The following NUDCD1 variants were observed in gnomAD, a reference collection of about 807,000 sequenced individuals.
The protein encoded by NUDCD1 is NudC domain containing 1, also known as nudC domain-containing protein 1.
In NUDCD1, 60 loss-of-function variants were observed where a neutral mutation model predicts 67.8. The observed-to-expected ratio is 0.88, with a 90% CI of 0.72 to 1.10. The LOEUF is 1.10. Among genes scored for constraint, NUDCD1 ranks in the 50% least tolerant of loss-of-function variants. NUDCD1 has a pLI of 0.00. For missense variants in NUDCD1, 643 were observed against 695.0 expected (o/e 0.93, Z 0.84); for synonymous variants, 244 against 230.8 (o/e 1.06, Z -0.52).
intron 2 of NUDCD1, among the ~76,000 whole-genome samples, chr8:109,307,136 A>G (rs1815126244): frequency 6.6e-6 from 1 of 152,320 alleles, no homozygotes; most frequent in East Asian, 1.9e-4. Context: ...AGAAGTGAAA[A>G]TAGCCTTAAC....
intron 8 of NUDCD1, among the ~76,000 whole-genome samples, chr8:109,248,714 G>GAAAA (rs78072773): frequency 2.0e-5 from 2 of 99,988 alleles, no homozygotes; most frequent in Non-Finnish European, 4.1e-5. Flanking sequence ...CCACTGTTTG[G>GAAAA]AAAAAAAAAA....
intron 5 of NUDCD1, among the ~76,000 whole-genome samples, chr8:109,284,644 A>C (rs766182551): frequency 2.6e-5 from 4 of 152,108 alleles, no homozygotes; most frequent in Non-Finnish European, 5.9e-5. Context: ...ACCACACAGT[A>C]TCATGGAAAT....
At chr8:109,253,581 A>G (rs1813667937) in intron 8 of NUDCD1, among the ~76,000 whole-genome samples, 1 of 152,174 alleles carries the variant, frequency 6.6e-6, no homozygotes, top group Admixed American at 6.5e-5. Flanking sequence ...ATATGCTCAC[A>G]TCATGACTTG....
intron 5 of NUDCD1, among the ~76,000 whole-genome samples, chr8:109,286,253 C>G (rs907494112): frequency 6.6e-6 from 1 of 151,988 alleles, no homozygotes; most frequent in Non-Finnish European, 1.5e-5. Context: ...AGAGTAAATG[C>G]TACTCCTATC....
chr8:109,268,381 C>T (rs1467059622), intron 8 of NUDCD1, among the ~76,000 whole-genome samples: 1 of 152,118 alleles, frequency 6.6e-6, no homozygotes, highest in East Asian at 1.9e-4. Context: ...GTTAAATCTG[C>T]TAAATTCTAG....
At position 109,294,196 on chromosome 8, in the gene NUDCD1, G is replaced by GA. The variant is rs1206815598; in HGVS notation, c.460-673dup. ...TTCCAAATAAGATATGGACAGTTGA[G>GA]AAAAAGCCTAACTGAAAAAAAGGTA... On this transcript the variant is annotated intron_variant, in intron 3 of 9. Coordinates refer to ENST00000239690, the MANE Select transcript of NUDCD1 (RefSeq NM_032869.4). 2.3e-5 allele frequency among the ~76,000 whole-genome samples: 3 copies of GA among 128,176 alleles called. No individual in the cohort carries two copies. The East Asian group carries it at 7.6e-4, about 32-fold the overall frequency. 84.1% of individuals were successfully genotyped at this position (128,176 alleles called of 152,430 possible). A position where few individuals can be genotyped will look rare whatever the true frequency, so the allele number is the denominator to read the frequency against.
At chr8:109,303,215 C>A (rs1350606040) in intron 2 of NUDCD1, among the ~76,000 whole-genome samples, 6 of 152,180 alleles carry the variant, frequency 3.9e-5, no homozygotes, top group Admixed American at 2.0e-4. Context: ...TCCCAGAGCC[C>A]CTGGAACTCT....
intron 8 of NUDCD1, among the ~76,000 whole-genome samples, chr8:109,246,069 C>T (rs1354567028): frequency 6.6e-6 from 1 of 152,196 alleles, no homozygotes; most frequent in Admixed American, 6.5e-5. Flanking sequence ...TGAGGTGGAA[C>T]AGTTTCATCC....
chr8:109,249,828 T>C (rs1319455967), intron 8 of NUDCD1, among the ~76,000 whole-genome samples: 2 of 150,698 alleles, frequency 1.3e-5, no homozygotes, highest in Non-Finnish European at 2.9e-5. Flanking sequence ...AAATGAGATA[T>C]ATAAAGAATT....
intron 8 of NUDCD1, among the ~76,000 whole-genome samples, chr8:109,267,751 T>C (rs1037382449): frequency 6.6e-6 from 1 of 152,190 alleles, no homozygotes; most frequent in Non-Finnish European, 1.5e-5. Flanking sequence ...TCATCAAATA[T>C]TGTCTATAAA....
chr8:109,323,630 C>T (rs1459841768), intron 1 of NUDCD1, among the ~76,000 whole-genome samples: 4 of 151,660 alleles, frequency 2.6e-5, no homozygotes, highest in African/African-American at 7.3e-5. Context: ...GTTTGAGCCA[C>T]GACATAAAAG....
chr8:109,292,203 T>G (rs1814726185), intron 4 of NUDCD1, among the ~76,000 whole-genome samples: 1 of 152,158 alleles, frequency 6.6e-6, no homozygotes, highest in Non-Finnish European at 1.5e-5. Flanking sequence ...TGGATGCTTT[T>G]GTACTGTGTT....
intron 6 of NUDCD1, among the ~76,000 whole-genome samples, chr8:109,280,218 T>C (rs2129981955): frequency 6.6e-6 from 1 of 152,364 alleles, no homozygotes; most frequent in South Asian, 2.1e-4. Context: ...GAGAATTTAA[T>C]AATTTTTATA....
intron 3 of NUDCD1, 26 bp downstream of exon 3, chr8:109,296,358 C>T (rs376394936): frequency 2.3e-5 from 37 of 1,588,904 alleles, no homozygotes; most frequent in East Asian, 1.6e-4. Context: ...TTCTGGACTT[C>T]GCATAAGTCT....
intron 8 of NUDCD1, among the ~76,000 whole-genome samples, chr8:109,268,627 A>T (rs1363009364): frequency 6.6e-6 from 1 of 152,214 alleles, no homozygotes; most frequent in African/African-American, 2.4e-5. Context: ...ATTTTATGAC[A>T]CCTAAGATAT....
At chr8:109,288,126 ACTTTTC>A (rs1814618957) in intron 5 of NUDCD1, among the ~76,000 whole-genome samples, 1 of 152,180 alleles carries the variant, frequency 6.6e-6, no homozygotes, top group Non-Finnish European at 1.5e-5. Context: ...AAATTACAAC[ACTTTTC>A]CTTTATTACT....
intron 2 of NUDCD1, among the ~76,000 whole-genome samples, chr8:109,299,184 G>C (rs756145361): frequency 7.2e-5 from 11 of 152,210 alleles, no homozygotes; most frequent in Non-Finnish European, 1.0e-4. Flanking sequence ...ACCGGGCAAA[G>C]GCCACAGGGA....
At chr8:109,289,372 A>G (rs1814648719) in intron 5 of NUDCD1, among the ~76,000 whole-genome samples, 1 of 152,192 alleles carries the variant, frequency 6.6e-6, no homozygotes, top group Admixed American at 6.5e-5. Context: ...GTTTAGTATA[A>G]AAGGTAAGAA....
intron 8 of NUDCD1, among the ~76,000 whole-genome samples, chr8:109,252,810 T>C (rs577621617): frequency 9.8e-5 from 15 of 152,348 alleles, no homozygotes; most frequent in South Asian, 2.1e-4. Context: ...CTGATGAGTC[T>C]TTAAAAAGTT....
Sources: gnomAD v4.1 joint callset for allele counts (sites outside exome capture counted in the v4.1 genomes callset) on GRCh38, gnomAD v4.1.1 for gene constraint, MANE v1.5 for transcripts, NCBI Gene and HGNC (gene_info 2026-07-23, HGNC 2026-07-21) for gene names.